Variants in PLCB1 observed in about 807,000 individuals in gnomAD.
The protein encoded by PLCB1 is 1-phosphatidylinositol 4,5-bisphosphate phosphodiesterase beta-1.
Under a neutral mutation model 161.8 loss-of-function variants are expected in PLCB1, and 46 were observed. The ratio of observed to expected loss-of-function variants is 0.28; its 90% CI spans 0.22 to 0.36. The LOEUF (loss-of-function observed/expected upper bound fraction) is 0.36, where lower values mean the gene tolerates loss of function less well. PLCB1 is among the 10% of genes least tolerant of loss of function. The probability of loss-of-function intolerance (pLI) is 1.00; values close to 1 mark genes in which losing one functional copy is unlikely to be tolerated. For synonymous variants in PLCB1, 517 were observed against 503.7 expected (o/e 1.03, Z -0.35); for missense variants, 1,016 against 1,472.5 (o/e 0.69, Z 5.07).
intron 3 of PLCB1, among the ~76,000 whole-genome samples, chr20:8,528,918 G>T (rs1325614693): frequency 6.6e-6 from 1 of 151,942 alleles, no homozygotes. Flanking sequence ...AAGTAAGAGG[G>T]TGTGAGGAGA....
chr20:8,409,766 T>C (rs1054355170), intron 3 of PLCB1, among the ~76,000 whole-genome samples: 2 of 152,038 alleles, frequency 1.3e-5, no homozygotes, highest in South Asian at 2.1e-4. Flanking sequence ...CCCAGCTGGA[T>C]TGTATATTCT....
intron 2 of PLCB1, among the ~76,000 whole-genome samples, chr20:8,182,988 T>G (rs58498190): frequency 1.1e-5 from 1 of 89,330 alleles, no homozygotes; most frequent in African/African-American, 2.9e-5. Context: ...AAAAAAGAAC[T>G]GTTTTTTTTG....
chr20:8,711,041 C>T (rs2123456514), intron 12 of PLCB1, among the ~76,000 whole-genome samples: 1 of 152,202 alleles, frequency 6.6e-6, no homozygotes, highest in Admixed American at 6.5e-5. Flanking sequence ...TACCACAAAC[C>T]CAGGTGCTTC....
intron 9 of PLCB1, among the ~76,000 whole-genome samples, chr20:8,679,328 C>T (rs928674498): frequency 2.6e-5 from 4 of 152,328 alleles, no homozygotes; most frequent in African/African-American, 4.8e-5. Flanking sequence ...CTCCACAATG[C>T]TCTTCTAGAC....
chr20:8,432,768 G>GT (rs1980109417), intron 3 of PLCB1, among the ~76,000 whole-genome samples: 1 of 152,192 alleles, frequency 6.6e-6, no homozygotes, highest in South Asian at 2.1e-4. Context: ...GTCCGGCCTA[G>GT]TCACCAGCCA....
rs1178018389 is a variant in PLCB1 at position 8,883,663 on chromosome 20, G to C, written c.*1814G>C. 6.6e-6 allele frequency: 1 copy of C among 151,856 alleles called. No individual in the cohort carries two copies. The highest frequency in any genetic ancestry group is 1.5e-5 in the Non-Finnish European group (1 of 67,866). 9.4% of individuals were successfully genotyped at this position (151,856 alleles called of 1,614,324 possible). A position where few individuals can be genotyped will look rare whatever the true frequency, so the allele number is the denominator to read the frequency against. Reference sequence around the variant, plus strand: ...CAATTAAATTTTAATCAAAATGAAGGCTTAGTTCAAACATAAGGAAACAGT... The same window carrying C: ...CAATTAAATTTTAATCAAAATGAAGCCTTAGTTCAAACATAAGGAAACAGT... On this transcript the variant is annotated 3_prime_UTR_variant, in exon 32 of 32. Transcript: ENST00000338037.
intron 3 of PLCB1, among the ~76,000 whole-genome samples, chr20:8,381,682 G>A (rs985083683): frequency 1.3e-5 from 2 of 152,150 alleles, no homozygotes; most frequent in Non-Finnish European, 2.9e-5. Flanking sequence ...GAGGTTGTAT[G>A]TGTCCAGGAA....
intron 31 of PLCB1, among the ~76,000 whole-genome samples, chr20:8,878,273 A>G (rs1481531054): frequency 2.6e-5 from 4 of 152,234 alleles, no homozygotes; most frequent in Non-Finnish European, 5.9e-5. Context: ...TTCCTTCCCT[A>G]TCTTCCTTGG....
chr20:8,425,438 T>C (rs1979720377), intron 3 of PLCB1, among the ~76,000 whole-genome samples: 1 of 152,108 alleles, frequency 6.6e-6, no homozygotes, highest in Admixed American at 6.5e-5. Context: ...ATGGCAGTGC[T>C]TCTAAAACTA....
chr20:8,539,165 G>A (rs904562606), intron 3 of PLCB1, among the ~76,000 whole-genome samples: 2 of 152,090 alleles, frequency 1.3e-5, no homozygotes, highest in African/African-American at 4.8e-5. Context: ...CTCATTTTCA[G>A]TTTGTCATAG....
intron 2 of PLCB1, among the ~76,000 whole-genome samples, chr20:8,182,145 C>A (rs1360528067): frequency 6.6e-6 from 1 of 152,160 alleles, no homozygotes; most frequent in African/African-American, 2.4e-5. Flanking sequence ...AAAAGTTTTT[C>A]ATTACTAGCA....
intron 2 of PLCB1, among the ~76,000 whole-genome samples, chr20:8,323,760 TTTTAA>T (rs1985017843): frequency 6.6e-6 from 1 of 152,122 alleles, no homozygotes; most frequent in African/African-American, 2.4e-5. Context: ...TGCAGACTTT[TTTTAA>T]CCATTACATT....
At chr20:8,476,398 A>G (rs1428978445) in intron 3 of PLCB1, among the ~76,000 whole-genome samples, 1 of 152,204 alleles carries the variant, frequency 6.6e-6, no homozygotes, top group Non-Finnish European at 1.5e-5. Context: ...CTTGAAGAAT[A>G]TGTACTTTGC....
intron 23 of PLCB1, among the ~76,000 whole-genome samples, chr20:8,744,660 A>AAAATAAAAT (rs1568582262): frequency 4.0e-5 from 5 of 126,240 alleles, no homozygotes; most frequent in African/African-American, 1.4e-4. Context: ...TAAAATAAAA[A>AAAATAAAAT]AATAAAATTG....
intron 3 of PLCB1, among the ~76,000 whole-genome samples, chr20:8,392,343 C>T (rs1987634455): frequency 6.6e-6 from 1 of 152,092 alleles, no homozygotes; most frequent in Non-Finnish European, 1.5e-5. Context: ...TGATTTTGAG[C>T]CTCCCAGCCT....
At chr20:8,815,072 C>T (rs1985023552) in intron 31 of PLCB1, among the ~76,000 whole-genome samples, 1 of 152,212 alleles carries the variant, frequency 6.6e-6, no homozygotes, top group African/African-American at 2.4e-5. Context: ...CATGTGCTTC[C>T]CTTCTCTACT....
intron 7 of PLCB1, among the ~76,000 whole-genome samples, chr20:8,655,495 T>C (rs1989433581): frequency 6.6e-6 from 1 of 152,088 alleles, no homozygotes; most frequent in Non-Finnish European, 1.5e-5. Context: ...CAAGGTGTGA[T>C]GTGTGCACAA....
intron 3 of PLCB1, among the ~76,000 whole-genome samples, chr20:8,497,983 CA>C (rs1402941817): frequency 6.6e-6 from 1 of 152,092 alleles, no homozygotes; most frequent in Non-Finnish European, 1.5e-5. Context: ...AATGACTCTC[CA>C]AATATCTTTT....
At chr20:8,243,712 A>G (rs757431119) in intron 2 of PLCB1, among the ~76,000 whole-genome samples, 1 of 151,978 alleles carries the variant, frequency 6.6e-6, no homozygotes, top group Non-Finnish European at 1.5e-5. Context: ...TAACTTGGCT[A>G]TGGAATCAGA....
Sources: allele counts gnomAD v4.1 joint callset (sites outside exome capture counted in the v4.1 genomes callset), GRCh38; gene constraint gnomAD v4.1.1; transcripts MANE v1.5; gene names NCBI Gene and HGNC (gene_info 2026-07-23, HGNC 2026-07-21).